Variants in MTREX observed in about 807,000 individuals in gnomAD.
MTREX encodes Mtr4 exosome RNA helicase.
In MTREX, 76 loss-of-function variants were observed where a neutral mutation model predicts 135.4. The ratio of observed to expected loss-of-function variants is 0.56; its 90% CI spans 0.47 to 0.68. The LOEUF (loss-of-function observed/expected upper bound fraction) is 0.68. Ranked by LOEUF, MTREX falls within the 30% of genes least tolerant of loss-of-function variation. The pLI, the probability that MTREX is intolerant of heterozygous loss-of-function variation, is 0.00. For missense variants in MTREX, 920 were observed against 1,262.1 expected (o/e 0.73, Z 4.11); for synonymous variants, 404 against 401.6 (o/e 1.01, Z -0.07).
intron 12 of MTREX, 109 bp downstream of exon 12, chr5:55,349,761 A>G (rs1246148014): frequency 4.6e-6 from 3 of 648,944 alleles, no homozygotes; most frequent in East Asian, 2.7e-5. Flanking sequence ...ACACTGTAGC[A>G]TATGGGTTGT....
At chr5:55,345,494 A>G (rs1749716821) in intron 10 of MTREX, among the ~76,000 whole-genome samples, 1 of 152,084 alleles carries the variant, frequency 6.6e-6, no homozygotes. Flanking sequence ...CCCTGTACAC[A>G]TTAACAGTTA....
chr5:55,382,446 G>A (rs1232316263), intron 18 of MTREX, among the ~76,000 whole-genome samples: 1 of 151,984 alleles, frequency 6.6e-6, no homozygotes, highest in African/African-American at 2.4e-5. Flanking sequence ...CTGAATTCCA[G>A]TGTGATATAG....
At chr5:55,356,166 G>A (rs527984531) in intron 14 of MTREX, 1 of 153,102 alleles carries the variant, frequency 6.5e-6, no homozygotes, top group African/African-American at 2.4e-5. Context: ...TGAAGGCACA[G>A]AGAAGGAAGT....
intron 16 of MTREX, among the ~76,000 whole-genome samples, chr5:55,376,138 G>C (rs1750297441): frequency 6.6e-6 from 1 of 152,156 alleles, no homozygotes; most frequent in African/African-American, 2.4e-5. Flanking sequence ...CTCAGCTCTA[G>C]GCACAATGGA....
At chr5:55,382,329 A>G (rs1048969772) in intron 18 of MTREX, among the ~76,000 whole-genome samples, 2 of 152,082 alleles carry the variant, frequency 1.3e-5, no homozygotes, top group Middle Eastern at 3.2e-3. Context: ...ATGTATGTGT[A>G]CATGTATATA....
intron 25 of MTREX, among the ~76,000 whole-genome samples, chr5:55,416,367 A>C (rs1052552582): frequency 2.6e-5 from 4 of 152,014 alleles, no homozygotes; most frequent in Non-Finnish European, 4.4e-5. Context: ...AATTCTGTGC[A>C]GTTGTAATTC....
At chr5:55,380,346 C>T (rs1750375805) in intron 18 of MTREX, among the ~76,000 whole-genome samples, 1 of 152,120 alleles carries the variant, frequency 6.6e-6, no homozygotes, top group African/African-American at 2.4e-5. Flanking sequence ...TATGTGCAAC[C>T]ATCACCACAG....
intron 25 of MTREX, among the ~76,000 whole-genome samples, chr5:55,417,412 G>T (rs1370028437): frequency 6.6e-6 from 1 of 152,186 alleles, no homozygotes; most frequent in East Asian, 1.9e-4. Flanking sequence ...TCTGGTCTCT[G>T]TAACTACATG....
chr5:55,379,871 A>G (rs1750365634), intron 18 of MTREX, among the ~76,000 whole-genome samples: 1 of 152,222 alleles, frequency 6.6e-6, no homozygotes, highest in African/African-American at 2.4e-5. Context: ...CTAAGGCAGA[A>G]TATTTTTACC....
chr5:55,341,614 A>C (rs942046419), intron 6 of MTREX, 67 bp from the exon 7 acceptor site: 2 of 774,000 alleles, frequency 2.6e-6, no homozygotes, highest in Non-Finnish European at 4.1e-6. Flanking sequence ...GGAAAAAACA[A>C]CTTTTCTCTA....
chr5:55,403,318 G>C (rs751255392), intron 21 of MTREX, among the ~76,000 whole-genome samples: 2 of 151,960 alleles, frequency 1.3e-5, no homozygotes, highest in Non-Finnish European at 2.9e-5. Context: ...CGGATATGTA[G>C]GGCCAACTGT....
chr5:55,382,619 A>G (rs1039553850), intron 18 of MTREX, among the ~76,000 whole-genome samples: 2 of 151,684 alleles, frequency 1.3e-5, no homozygotes, highest in East Asian at 1.9e-4. Context: ...AAAATCATTT[A>G]TGGTTTTTTT....
chr5:55,371,786 T>G (rs1750207628), intron 16 of MTREX, among the ~76,000 whole-genome samples: 1 of 152,002 alleles, frequency 6.6e-6, no homozygotes, highest in Admixed American at 6.6e-5. Context: ...GAGAAACTGA[T>G]TTTTGTTTGT....
At chr5:55,373,621 T>TCA (rs1218417604) in intron 16 of MTREX, among the ~76,000 whole-genome samples, 1 of 152,144 alleles carries the variant, frequency 6.6e-6, no homozygotes, top group Non-Finnish European at 1.5e-5. Flanking sequence ...TGTGAGCTAC[T>TCA]CACACACACA....
intron 1 of MTREX, among the ~76,000 whole-genome samples, chr5:55,316,245 A>G (rs1749196595): frequency 6.6e-6 from 1 of 152,190 alleles, no homozygotes; most frequent in Non-Finnish European, 1.5e-5. Flanking sequence ...GATATTATTC[A>G]TAAAAATTGA....
chr5:55,390,385 G>A (rs1750547474), intron 19 of MTREX, among the ~76,000 whole-genome samples: 1 of 152,200 alleles, frequency 6.6e-6, no homozygotes, highest in Non-Finnish European at 1.5e-5. Flanking sequence ...ACGTGCATGA[G>A]CCACCGCACC....
At chr5:55,390,801 A>C (rs1343145920) in intron 19 of MTREX, among the ~76,000 whole-genome samples, 1 of 152,212 alleles carries the variant, frequency 6.6e-6, no homozygotes, top group Admixed American at 6.5e-5. Context: ...TACACTTATA[A>C]AAATTTGAGG....
rs562242497 is a variant in MTREX, at chr5:55,404,872, C to T, written c.2482-553C>T. 2.5e-4 allele frequency among the ~76,000 whole-genome samples: 38 copies of T among 151,238 alleles called. No individual in the cohort carries two copies. In the East Asian group the frequency reaches 2.7e-3, roughly 11 times the overall value. On this transcript the variant is annotated intron_variant, in intron 21 of 26. Transcript: ENST00000230640. ...AGGCTGGAGTGCAGTGGCATCATCA[C>T]GGCTCAGTGCAACCTCTACCTCCCG...
chr5:55,345,147 A>T lies in MTREX; in HGVS notation c.1059A>T (p.Ala353=), dbSNP rs1236932496. ...FNTAMQVLRD[A]GDLAKGDQKG... ...CTGCAATGCAAGTGCTTCGAGATGC[A>T]GGTGATTTGGCCAAAGGAGACCAGA... The change falls in exon 10 of 27, where the codon GCA becomes GCT. Residue 353 remains alanine, a synonymous_variant. Transcript: ENST00000230640. The T allele has an allele frequency of 6.2e-7, 1 of 1,613,634 alleles. No homozygotes were observed. Among genetic ancestry groups the T allele is most frequent in the Non-Finnish European group, 8.5e-7 (1 of 1,179,766 alleles).
Sources: gnomAD v4.1 joint callset for allele counts (sites outside exome capture counted in the v4.1 genomes callset) on GRCh38, gnomAD v4.1.1 for gene constraint, MANE v1.5 for transcripts, NCBI Gene and HGNC (gene_info 2026-07-23, HGNC 2026-07-21) for gene names.